Variants in PARD3B observed in about 807,000 individuals in gnomAD.
PARD3B encodes the protein par-3 family cell polarity regulator beta.
A neutral mutation model predicts 130.2 loss-of-function variants in PARD3B; 103 were observed. That is an observed-to-expected ratio of 0.79 (90% confidence interval 0.67 to 0.93). The LOEUF is 0.93. Ranked by LOEUF, PARD3B falls within the 40% of genes least tolerant of loss-of-function variation. The pLI is 0.00. For missense variants in PARD3B, 1,609 were observed against 1,499.2 expected, an observed-to-expected ratio of 1.07 and a Z score of -1.21; for synonymous variants, 583 against 553.2, an observed-to-expected ratio of 1.05 and a Z score of -0.76.
chr2:204,807,416 A>G (rs556063986), intron 2 of PARD3B, among the ~76,000 whole-genome samples: 168 of 152,300 alleles, frequency 1.1e-3, no homozygotes, highest in African/African-American at 3.7e-3. Flanking sequence ...TAGTACAACC[A>G]CTACGGAGAA....
In PARD3B at chr2:205,125,943, G is replaced by A. The variant is rs912406660; in HGVS notation, c.1434+206G>A. Among the ~76,000 whole-genome samples the A allele has an allele frequency of 6.6e-5, 10 of 152,086 alleles. No homozygotes were observed. Among genetic ancestry groups the A allele is most frequent in the Non-Finnish European group, 1.0e-4 (7 of 68,034 alleles). On this transcript the variant is annotated intron_variant, in intron 10 of 22. Coordinates refer to ENST00000406610, the MANE Select transcript of PARD3B (RefSeq NM_001302769.2). The surrounding 1 kb of genome is among the most constrained non-coding windows in gnomAD (Gnocchi z 4.0). The stretch of plus-strand genomic sequence containing the variant: ...GTGGGTATATGTAAACAGTGATTCC[G>A]GGGCACAGATTCAAACACCTTTAGC...
intron 4 of PARD3B, among the ~76,000 whole-genome samples, chr2:205,056,916 T>C (rs7591866): frequency 0.5 from 55,931 of 112,768 alleles, 10,507 homozygotes; most frequent in South Asian, 0.65. Context: ...CACACACACA[T>C]ATATATATAT....
chr2:205,091,813 C>G lies in PARD3B; in HGVS notation c.505-12613C>G, dbSNP rs1183323103. Among the ~76,000 whole-genome samples, 1 of 152,022 alleles carries G rather than the reference C, an allele frequency of 6.6e-6. No homozygotes were observed. The highest frequency in any genetic ancestry group is 1.5e-5 in the Non-Finnish European group (1 of 68,000). On this transcript the variant is annotated intron_variant, in intron 4 of 22. Coordinates refer to ENST00000406610, the MANE Select transcript of PARD3B (RefSeq NM_001302769.2). The surrounding 1 kb of genome is among the most constrained non-coding windows in gnomAD (Gnocchi z 4.2). ...CTCTCCAGCTTCTGTGCTCCTTACT[C>G]CCCAGAATGGACTCTTCAGAGCAAA...
intron 3 of PARD3B, among the ~76,000 whole-genome samples, chr2:204,970,519 G>T (rs939102091): frequency 6.6e-6 from 1 of 152,108 alleles, no homozygotes; most frequent in Non-Finnish European, 1.5e-5. Context: ...ATGGTTCCTT[G>T]AGTGTTTTAT....
intron 2 of PARD3B, among the ~76,000 whole-genome samples, chr2:204,727,865 T>C (rs1305910365): frequency 6.6e-6 from 1 of 152,116 alleles, no homozygotes; most frequent in East Asian, 1.9e-4. Context: ...AATCCCTCTG[T>C]GTGCAGCCTC....
chr2:205,369,060 T>A (rs962416626), intron 18 of PARD3B, among the ~76,000 whole-genome samples: 1 of 152,192 alleles, frequency 6.6e-6, no homozygotes, highest in African/African-American at 2.4e-5. Flanking sequence ...ATATTTCAAG[T>A]ATAGATACAG....
At chr2:205,227,770 C>T (rs541358375) in intron 15 of PARD3B, among the ~76,000 whole-genome samples, 3 of 151,888 alleles carry the variant, frequency 2.0e-5, no homozygotes, top group Admixed American at 2.0e-4. Context: ...TTCTTTCATT[C>T]CTTCCTATCT....
intron 2 of PARD3B, among the ~76,000 whole-genome samples, chr2:204,961,585 G>A (rs939676801): frequency 6.6e-6 from 1 of 152,108 alleles, no homozygotes. Context: ...TCAGCCGATA[G>A]AGTTATATTA....
At chr2:205,135,063 G>A (rs942970328) in intron 10 of PARD3B, among the ~76,000 whole-genome samples, 3 of 152,144 alleles carry the variant, frequency 2.0e-5, no homozygotes, top group African/African-American at 4.8e-5. Context: ...TATTAGTGGC[G>A]ACTGTGGCTA....
intron 20 of PARD3B, among the ~76,000 whole-genome samples, chr2:205,462,724 A>C (rs900894279): frequency 2.0e-5 from 3 of 152,208 alleles, no homozygotes; most frequent in African/African-American, 7.2e-5. Context: ...TAAAAGAAGA[A>C]GACAGATGAC....
chr2:204,959,470 T>C (rs1690559785), intron 2 of PARD3B, among the ~76,000 whole-genome samples: 1 of 152,208 alleles, frequency 6.6e-6, no homozygotes, highest in African/African-American at 2.4e-5. Flanking sequence ...GTAGAATGAT[T>C]TATATTCCTT....
Position 205,440,273 on chromosome 2 carries a change from G to A in PARD3B, c.2742-97G>A. On this transcript the variant is annotated intron_variant, in intron 19 of 22. Transcript: ENST00000406610. The surrounding 1 kb of genome is among the most constrained non-coding windows in gnomAD (Gnocchi z 4.2). ...GAGTAAACAGGAGAATGACAGCTAA[G>A]AGACGAGGAAGAGTTAACATAAATT... 1 of 1,225,826 alleles carries A rather than the reference G, an allele frequency of 8.2e-7. No homozygotes were observed. The highest frequency in any genetic ancestry group is 2.3e-4 in the Middle Eastern group (1 of 4,384). 75.9% of individuals were successfully genotyped at this position (1,225,826 alleles called of 1,614,324 possible). A position where few individuals can be genotyped will look rare whatever the true frequency, so the allele number is the denominator to read the frequency against.
At chr2:205,138,365 G>T (rs1233634158) in intron 10 of PARD3B, among the ~76,000 whole-genome samples, 2 of 151,926 alleles carry the variant, frequency 1.3e-5, no homozygotes, top group Non-Finnish European at 2.9e-5. Flanking sequence ...TCTCTCTTAT[G>T]CTGGACACCA....
chr2:205,245,330 A>G (rs775169240), intron 15 of PARD3B, among the ~76,000 whole-genome samples: 42 of 152,322 alleles, frequency 2.8e-4, no homozygotes, highest in Non-Finnish European at 5.4e-4. Context: ...GGGGAATTAC[A>G]AATCTGTTCC....
chr2:205,124,631 T>G (rs1234375153), intron 9 of PARD3B, among the ~76,000 whole-genome samples, 165 bp downstream of exon 9: 1 of 152,156 alleles, frequency 6.6e-6, no homozygotes, highest in African/African-American at 2.4e-5. Flanking sequence ...ACTATAGAAC[T>G]GGTTAATGAG....
chr2:204,779,227 C>A lies in PARD3B; in HGVS notation c.222+92945C>A, dbSNP rs182972157. Among the ~76,000 whole-genome samples, 220 of 152,266 alleles carry A rather than the reference C, an allele frequency of 1.4e-3. 1 individual carries two copies. Among genetic ancestry groups the A allele is most frequent in the African/African-American group, 4.9e-3 (203 of 41,550 alleles). ...CCCATTTTCTTCCATACTTTACCTT[C>A]TCTATATAATTATTTTTTTAGCGAG... On this transcript the variant is annotated intron_variant, in intron 2 of 22. Transcript: ENST00000406610.
chr2:205,571,273 C>T (rs2053551160), intron 22 of PARD3B, among the ~76,000 whole-genome samples: 1 of 152,156 alleles, frequency 6.6e-6, no homozygotes, highest in Non-Finnish European at 1.5e-5. Context: ...TATTAATAAG[C>T]GAAAGATGGT....
chr2:204,585,515 T>C (rs2032777978), intron 1 of PARD3B, among the ~76,000 whole-genome samples: 1 of 150,592 alleles, frequency 6.6e-6, no homozygotes. Context: ...TTTTTTTTTT[T>C]TAATTTTTTG....
rs191886997 is a variant in PARD3B at position 205,015,830 on chromosome 2, A to G, written c.395-31751A>G. On this transcript the variant is annotated intron_variant, in intron 3 of 22. Transcript: ENST00000406610. This position sits in a 1 kb window ranked among gnomAD's most constrained non-coding sequence, Gnocchi z 4.5. ...TGTTCAATGAGTTATGAGTGAATGA[A>G]TGAAAGAATGGGTTTATTTTCCTGA... 3.3e-5 allele frequency among the ~76,000 whole-genome samples: 5 copies of G among 152,186 alleles called. No individual in the cohort carries two copies. Among genetic ancestry groups the G allele is most frequent in the Admixed American group, 2.6e-4 (4 of 15,284 alleles).
Sources: allele counts gnomAD v4.1 joint callset (sites outside exome capture counted in the v4.1 genomes callset), GRCh38; gene constraint gnomAD v4.1.1; non-coding constraint Gnocchi (gnomAD v3.1); transcripts MANE v1.5; gene names NCBI Gene and HGNC (gene_info 2026-07-23, HGNC 2026-07-21).